The following EGFR variants were observed in gnomAD, a reference collection of about 807,000 sequenced individuals.
EGFR encodes epidermal growth factor receptor.
EGFR carries 58 observed loss-of-function variants against 143.0 expected under a neutral mutation model. The observed-to-expected ratio is 0.41, with a 90% CI of 0.33 to 0.50. The LOEUF (loss-of-function observed/expected upper bound fraction) is 0.50. EGFR is among the 20% of genes least tolerant of loss of function. The pLI is 0.39. For synonymous variants in EGFR, 613 were observed against 594.4 expected, an observed-to-expected ratio of 1.03 and a Z score of -0.45; for missense variants, 1,307 against 1,579.0, an observed-to-expected ratio of 0.83 and a Z score of 2.92.
In EGFR at chr7:55,201,266, G is replaced by A. The variant is rs148019583; in HGVS notation, c.3025G>A (p.Asp1009Asn). ...RALMDEEDMD[D>N]VVDADEYLIP... ...CCTGATGGATGAAGAAGACATGGAC[G>A]ACGTGGTGGATGCCGACGAGTACCT... The change falls in exon 25 of 28, where the codon GAC becomes AAC. Residue 1009 changes from aspartate to asparagine, a missense_variant. Coordinates refer to ENST00000275493, the MANE Select transcript of EGFR (RefSeq NM_005228.5). The A allele has an allele frequency of 6.2e-6, 10 of 1,614,016 alleles. No homozygotes were observed. The highest frequency in any genetic ancestry group is 4.0e-5 in the African/African-American group (3 of 74,908).
At chr7:55,109,529 C>G (rs60540650) in intron 1 of EGFR, among the ~76,000 whole-genome samples, 4 of 152,230 alleles carry the variant, frequency 2.6e-5, no homozygotes. Flanking sequence ...GGCAGCTCCT[C>G]TTTGCCAGCG....
intron 1 of EGFR, among the ~76,000 whole-genome samples, chr7:55,101,669 A>G (rs1791836425): frequency 6.6e-6 from 1 of 152,230 alleles, no homozygotes; most frequent in South Asian, 2.1e-4. Flanking sequence ...TTAGCCACAC[A>G]TGACCTGCAT....
At chr7:55,019,472 C>A in intron 1 of EGFR, 107 bp downstream of exon 1, 2 of 539,648 alleles carry the variant, frequency 3.7e-6, no homozygotes, top group Non-Finnish European at 5.1e-6. Context: ...CGCGCCCCCG[C>A]CCGTCCTTTC....
chr7:55,200,439 T>C (rs200932281), intron 24 of EGFR, 26 bp downstream of exon 24: 7 of 1,598,970 alleles, frequency 4.4e-6, no homozygotes, highest in South Asian at 2.2e-5. Flanking sequence ...TGTGCTTCCA[T>C]TGGGAAGAGT....
At chr7:55,177,730 C>T (rs1453190618) in intron 19 of EGFR, among the ~76,000 whole-genome samples, 1 of 152,226 alleles carries the variant, frequency 6.6e-6, no homozygotes, top group Non-Finnish European at 1.5e-5. Flanking sequence ...CTCAGGGACA[C>T]TCCTGCGGTG....
chr7:55,043,450 C>T (rs1788012696), intron 1 of EGFR, among the ~76,000 whole-genome samples: 1 of 152,086 alleles, frequency 6.6e-6, no homozygotes, highest in East Asian at 1.9e-4. Context: ...CCTCTGCCTC[C>T]TAGGTTCAAG....
At chr7:55,041,283 T>C (rs1255155656) in intron 1 of EGFR, among the ~76,000 whole-genome samples, 1 of 152,192 alleles carries the variant, frequency 6.6e-6, no homozygotes, top group Non-Finnish European at 1.5e-5. Context: ...TGATGGCACA[T>C]GCCTGTAATC....
At chr7:55,023,062 G>A (rs906590630) in intron 1 of EGFR, among the ~76,000 whole-genome samples, 28 of 152,176 alleles carry the variant, frequency 1.8e-4, no homozygotes, top group African/African-American at 6.5e-4. Flanking sequence ...ATGATTATGG[G>A]CACTGAAGGG....
chr7:55,166,402 A>C (rs754153187), intron 15 of EGFR: 1 of 537,062 alleles, frequency 1.9e-6, no homozygotes, highest in African/African-American at 1.8e-5. Context: ...CCCTTGGGCA[A>C]GGGTCTTACC....
intron 1 of EGFR, among the ~76,000 whole-genome samples, chr7:55,101,597 C>A (rs987258250): frequency 2.6e-5 from 4 of 152,182 alleles, no homozygotes; most frequent in Non-Finnish European, 5.9e-5. Flanking sequence ...CCGGGCACAG[C>A]ATTGGCTGAG....
At chr7:55,089,297 G>A (rs892059262) in intron 1 of EGFR, among the ~76,000 whole-genome samples, 10 of 152,204 alleles carry the variant, frequency 6.6e-5, no homozygotes, top group East Asian at 1.9e-4. Context: ...TTTGCAGCCC[G>A]TACACTGGGC....
At chr7:55,106,577 C>G (rs1283736137) in intron 1 of EGFR, among the ~76,000 whole-genome samples, 1 of 152,222 alleles carries the variant, frequency 6.6e-6, no homozygotes, top group Non-Finnish European at 1.5e-5. Flanking sequence ...CAGGCCTGCA[C>G]TGCCTGTGCA....
At chr7:55,041,752 T>C (rs1475070663) in intron 1 of EGFR, among the ~76,000 whole-genome samples, 1 of 152,232 alleles carries the variant, frequency 6.6e-6, no homozygotes, top group African/African-American at 2.4e-5. Flanking sequence ...AAGGAGTGAA[T>C]AGGCCTTATC....
chr7:55,205,838 C>T lies in EGFR; in HGVS notation c.*221C>T, dbSNP rs1443681571. Reference sequence around the variant, plus strand: ...TCAAACTGTGAAGCATTTACAGAAACGCATCCAGCAAGAATATTGTCCCTT... The same window carrying T: ...TCAAACTGTGAAGCATTTACAGAAATGCATCCAGCAAGAATATTGTCCCTT... On this transcript the variant is annotated 3_prime_UTR_variant, in exon 28 of 28. Transcript: ENST00000275493. 14 of 617,266 alleles carry T rather than the reference C, an allele frequency of 2.3e-5. No homozygotes were observed. The Middle Eastern group carries it at 1.7e-3, about 76-fold the overall frequency. 38.2% of individuals were successfully genotyped at this position (617,266 alleles called of 1,614,324 possible). A position where few individuals can be genotyped will look rare whatever the true frequency, so the allele number is the denominator to read the frequency against.
chr7:55,096,498 C>T (rs559410263), intron 1 of EGFR, among the ~76,000 whole-genome samples: 48 of 152,184 alleles, frequency 3.2e-4, no homozygotes, highest in Non-Finnish European at 2.2e-4. Flanking sequence ...GATGGGGATA[C>T]GATGCCAGAG....
rs1244521556 is a variant in EGFR at position 55,210,894 on chromosome 7, G to A, written c.*5277G>A. On this transcript the variant is annotated 3_prime_UTR_variant, in exon 28 of 28. Coordinates refer to ENST00000275493, the MANE Select transcript of EGFR (RefSeq NM_005228.5). ...ATTTCCCACAGTGAAAGAAAACGCT[G>A]GCCTATCAGTTACATTACAAAAGGC... 1 of 152,214 alleles carries A rather than the reference G, an allele frequency of 6.6e-6. No homozygotes were observed. The highest frequency in any genetic ancestry group is 2.4e-5 in the African/African-American group (1 of 41,440). 9.4% of individuals were successfully genotyped at this position (152,214 alleles called of 1,614,324 possible). A position where few individuals can be genotyped will look rare whatever the true frequency, so the allele number is the denominator to read the frequency against.
chr7:55,170,479 G>A (rs2128950764), intron 15 of EGFR: 1 of 1,614,056 alleles, frequency 6.2e-7, no homozygotes, highest in Non-Finnish European at 8.5e-7. Flanking sequence ...GGGTTGGGGT[G>A]GATGCAGCCA....
chr7:55,196,895 C>A (rs1787644607), intron 22 of EGFR, among the ~76,000 whole-genome samples: 1 of 152,144 alleles, frequency 6.6e-6, no homozygotes, highest in East Asian at 1.9e-4. Context: ...GTACTAGTAC[C>A]ATGCTGTTTT....
rs778985185 is a variant in EGFR at position 55,163,734 on chromosome 7, G to A, written c.1633G>A (p.Glu545Lys). 5.6e-6 allele frequency: 9 copies of A among 1,614,048 alleles called. No homozygotes were observed. In the African/African-American group the frequency reaches 6.7e-5, roughly 12 times the overall value. ...CVDKCNLLEG[E>K]PREFVENSEC... Reference sequence around the variant, plus strand: ...CGGGTTTCCTCTTCCTCCTCTCAGTGAGCCAAGGGAGTTTGTGGAGAACTC... The same window carrying A: ...CGGGTTTCCTCTTCCTCCTCTCAGTAAGCCAAGGGAGTTTGTGGAGAACTC... Residue 545 changes from glutamate to lysine, a missense_variant and splice_region_variant, in exon 14 of 28, where the codon GAG becomes AAG. This residue lies in a region of EGFR where 250 missense variants were observed against 295.1 expected (regional missense o/e 0.85). Transcript: ENST00000275493.
Sources: allele counts gnomAD v4.1 joint callset (sites outside exome capture counted in the v4.1 genomes callset), GRCh38; gene constraint gnomAD v4.1.1; regional missense constraint gnomAD v4.1.1; transcripts MANE v1.5; gene names NCBI Gene and HGNC (gene_info 2026-07-23, HGNC 2026-07-21).